The following UNC13B variants were observed in gnomAD, a reference collection of about 807,000 sequenced individuals.
The protein encoded by UNC13B is protein unc-13 homolog B.
In UNC13B, 144 loss-of-function variants were observed where a neutral mutation model predicts 211.0. The observed-to-expected ratio is 0.68, with a 90% confidence interval of 0.60 to 0.78. The LOEUF is 0.78. Ranked by LOEUF, UNC13B falls within the 30% of genes least tolerant of loss-of-function variation. The probability of loss-of-function intolerance (pLI) is 0.00; values close to 1 mark genes in which losing one functional copy is unlikely to be tolerated. For synonymous variants in UNC13B, 709 were observed against 725.8 expected, an observed-to-expected ratio of 0.98 and a Z score of 0.37; for missense variants, 1,777 against 2,002.0, an observed-to-expected ratio of 0.89 and a Z score of 2.14.
intron 8 of UNC13B, among the ~76,000 whole-genome samples, chr9:35,299,942 A>G (rs980191749): frequency 1.3e-5 from 2 of 152,202 alleles, no homozygotes; most frequent in African/African-American, 4.8e-5. Context: ...GCAAGAAGAT[A>G]TACATAAGGA....
chr9:35,321,796 C>T (rs1408318856), intron 11 of UNC13B, among the ~76,000 whole-genome samples: 3 of 152,054 alleles, frequency 2.0e-5, no homozygotes, highest in African/African-American at 4.8e-5. Context: ...CCATCACACT[C>T]GGCTTCAGGG....
chr9:35,331,420 T>C (rs142331317), intron 11 of UNC13B, among the ~76,000 whole-genome samples: 97 of 152,128 alleles, frequency 6.4e-4, no homozygotes, highest in Non-Finnish European at 1.2e-3. Context: ...GCTAAATTTG[T>C]ATTTTTAATA....
intron 1 of UNC13B, among the ~76,000 whole-genome samples, chr9:35,169,164 A>C (rs1821205037): frequency 6.6e-6 from 1 of 152,206 alleles, no homozygotes; most frequent in Non-Finnish European, 1.5e-5. Flanking sequence ...CAGCCTGGGC[A>C]ACATAGCAAG....
chr9:35,404,789 G>A lies in UNC13B; in HGVS notation c.*756G>A, dbSNP rs992684690. 4 of 152,676 alleles carry A rather than the reference G, an allele frequency of 2.6e-5. No individual in the cohort carries two copies. The highest frequency in any genetic ancestry group is 3.9e-4 in the East Asian group (2 of 5,168). The allele number at this position is 152,676 out of a possible 1,614,324, so 9.5% of individuals were successfully genotyped here. A position where few individuals can be genotyped will look rare whatever the true frequency, so the allele number is the denominator to read the frequency against. ...AGGCAGGGGAGTGATGCTTCAGGAC[G>A]TGACAGGCTGTTCTAACATGTGTCT... is the stretch of plus-strand genomic sequence containing the variant. On this transcript the variant is annotated 3_prime_UTR_variant, in exon 40 of 40. Transcript: ENST00000635942.
At chr9:35,328,928 T>C (rs10972432) in intron 11 of UNC13B, among the ~76,000 whole-genome samples, 11,279 of 151,558 alleles carry the variant, frequency 0.074, 606 homozygotes, top group East Asian at 0.3. Flanking sequence ...CCACCATGCC[T>C]GGCTAATTTT....
In UNC13B at chr9:35,376,119, C is replaced by T; in HGVS notation, c.9707C>T (p.Thr3236Ile). 6.2e-7 allele frequency: 1 copy of T among 1,614,258 alleles called. No individual in the cohort carries two copies. The highest frequency in any genetic ancestry group is 1.1e-5 in the South Asian group (1 of 91,090). ...PHNFEVWTAT[T>I]PTYCYECEGL... ...AACTTTGAGGTCTGGACGGCCACTA[C>T]CCCAACCTACTGCTATGAGTGTGAA... is the stretch of plus-strand genomic sequence containing the variant. The change falls in exon 15 of 40, where the codon ACC becomes ATC. Residue 3236 changes from threonine (T) to isoleucine (I), a missense_variant. Coordinates refer to ENST00000635942, the MANE Select transcript of UNC13B (RefSeq NM_001371189.2).
intron 1 of UNC13B, among the ~76,000 whole-genome samples, chr9:35,191,249 G>T (rs1439019062): frequency 2.0e-5 from 3 of 152,146 alleles, no homozygotes; most frequent in African/African-American, 7.2e-5. Context: ...ACCGTGCCCT[G>T]CCAGGTATCA....
At chr9:35,190,048 G>A (rs1822568894) in intron 1 of UNC13B, among the ~76,000 whole-genome samples, 1 of 152,076 alleles carries the variant, frequency 6.6e-6, no homozygotes, top group South Asian at 2.1e-4. Flanking sequence ...TGCCTTTTAG[G>A]GCCTAAGAAG....
chr9:35,284,089 A>G (rs1281629565), intron 7 of UNC13B, among the ~76,000 whole-genome samples: 3 of 152,080 alleles, frequency 2.0e-5, no homozygotes, highest in Non-Finnish European at 2.9e-5. Flanking sequence ...GTGAAATCCC[A>G]TCTCTACTAA....
At chr9:35,294,004 A>G (rs2131790486) in intron 7 of UNC13B, among the ~76,000 whole-genome samples, 1 of 152,296 alleles carries the variant, frequency 6.6e-6, no homozygotes, top group East Asian at 1.9e-4. Flanking sequence ...TGTACCCACA[A>G]ATGTTATTGA....
intron 1 of UNC13B, among the ~76,000 whole-genome samples, chr9:35,200,836 T>C (rs1056308469): frequency 3.5e-4 from 53 of 152,276 alleles, no homozygotes; most frequent in Non-Finnish European, 6.0e-4. Context: ...TTTCTTTCTC[T>C]TGCCTGATTG....
intron 17 of UNC13B, among the ~76,000 whole-genome samples, chr9:35,379,856 A>G (rs1205129834): frequency 5.3e-5 from 8 of 152,322 alleles, no homozygotes; most frequent in African/African-American, 1.9e-4. Flanking sequence ...GGGTGAAACA[A>G]CAGATCCCAG....
chr9:35,385,629 G>A (rs1835137755), intron 22 of UNC13B, 95 bp from the exon 23 acceptor site: 1 of 1,465,360 alleles, frequency 6.8e-7, no homozygotes. Flanking sequence ...AACCCAGTAG[G>A]TAACAATTAG....
chr9:35,261,999 A>G (rs112002329), intron 7 of UNC13B, among the ~76,000 whole-genome samples: 2,589 of 152,198 alleles, frequency 0.017, 58 homozygotes, highest in African/African-American at 0.06. Flanking sequence ...GTGTTTATGT[A>G]CTACATTTTC....
chr9:35,376,488 G>A (rs1834422415), intron 15 of UNC13B, among the ~76,000 whole-genome samples: 1 of 152,232 alleles, frequency 6.6e-6, no homozygotes, highest in African/African-American at 2.4e-5. Flanking sequence ...CTGTGGTAGT[G>A]TAGCTAGAAT....
At chr9:35,258,955 T>G in intron 6 of UNC13B, 38 bp from the exon 7 acceptor site, 1 of 1,590,922 alleles carries the variant, frequency 6.3e-7, no homozygotes, top group Non-Finnish European at 8.6e-7. Context: ...GGGCTTCTGA[T>G]TGTATTTATT....
intron 6 of UNC13B, among the ~76,000 whole-genome samples, chr9:35,256,187 A>G (rs960906138): frequency 1.3e-5 from 2 of 152,184 alleles, no homozygotes; most frequent in Non-Finnish European, 2.9e-5. Context: ...CTAAAATTCC[A>G]TAGTTTATTC....
intron 11 of UNC13B, chr9:35,342,403 T>C: frequency 1.0e-6 from 1 of 972,842 alleles, no homozygotes; most frequent in Non-Finnish European, 1.2e-6. Context: ...AAGGAAAGCA[T>C]TTGTGGGTGG....
At chr9:35,257,210 G>C (rs1017837398) in intron 6 of UNC13B, among the ~76,000 whole-genome samples, 3 of 151,296 alleles carry the variant, frequency 2.0e-5, no homozygotes, top group East Asian at 3.9e-4. Context: ...TGTAATCCCA[G>C]CACTTTGGGA....
Sources: gnomAD v4.1 joint callset for allele counts (sites outside exome capture counted in the v4.1 genomes callset) on GRCh38, gnomAD v4.1.1 for gene constraint, MANE v1.5 for transcripts, NCBI Gene and HGNC (gene_info 2026-07-23, HGNC 2026-07-21) for gene names.